Variants in CENPE observed in about 807,000 individuals in gnomAD.
The protein encoded by CENPE is centromere protein E.
CENPE carries 145 observed loss-of-function variants against 336.1 expected under a neutral mutation model. The observed-to-expected ratio is 0.43, with a 90% CI of 0.38 to 0.50. CENPE has a LOEUF of 0.50. Among genes scored for constraint, CENPE ranks in the 20% least tolerant of loss-of-function variants. The pLI, the probability that CENPE is intolerant of heterozygous loss-of-function variation, is 0.00. For synonymous variants in CENPE, 1,013 were observed against 984.8 expected (o/e 1.03, Z -0.54); for missense variants, 2,719 against 3,023.3 (o/e 0.90, Z 2.36).
intron 35 of CENPE, 37 bp from the exon 36 acceptor site, chr4:103,141,141 T>C: frequency 8.3e-7 from 1 of 1,212,112 alleles, no homozygotes; most frequent in Non-Finnish European, 1.2e-6. Flanking sequence ...TAGGTGGCTT[T>C]TTAGGGACAG....
Position 103,182,662 on chromosome 4 carries a change from C to T in CENPE, c.963+100G>A, listed in dbSNP as rs555968885. ...TAGACAACATATCGATTATAACAGG[C>T]GAGTTAATTAAAAAAAACTATGCTT... On this transcript the variant is annotated intron_variant, in intron 11 of 48. Coordinates refer to ENST00000265148, the MANE Select transcript of CENPE (RefSeq NM_001813.3). The T allele has an allele frequency of 7.7e-5, 73 of 945,428 alleles. No individual in the cohort carries two copies. The East Asian group carries it at 1.2e-3, about 15-fold the overall frequency. 58.6% of individuals were successfully genotyped at this position (945,428 alleles called of 1,614,324 possible). A position where few individuals can be genotyped will look rare whatever the true frequency, so the allele number is the denominator to read the frequency against.
rs551913129 is a variant in CENPE, at chr4:103,114,479, T to G, written c.7516A>C (p.Ser2506Arg). Residue 2506 changes from serine (S) to arginine (R), a missense_variant, in exon 46 of 49, where the codon AGT (serine) becomes CGT (arginine). Transcript: ENST00000265148. The stretch of plus-strand genomic sequence containing the variant: ...CCTGAGGTATCTTGGGCCTGTTGAC[T>G]TCTTCTGAGATTTTCTCTCAATAGC... ...IRLLRENLRR[S>R]QQAQDTSVIS... 1.6e-5 allele frequency: 26 copies of G among 1,610,910 alleles called. No individual in the cohort carries two copies. The South Asian group carries it at 2.3e-4, about 14-fold the overall frequency.
intron 24 of CENPE, among the ~76,000 whole-genome samples, chr4:103,154,594 T>C (rs754436212): frequency 3.3e-5 from 5 of 152,176 alleles, no homozygotes; most frequent in Non-Finnish European, 7.4e-5. Context: ...TTAGATATTA[T>C]AATTCAGAAT....
At chr4:103,179,875 C>T (rs1037316493) in intron 13 of CENPE, among the ~76,000 whole-genome samples, 2 of 152,172 alleles carry the variant, frequency 1.3e-5, no homozygotes, top group Non-Finnish European at 2.9e-5. Flanking sequence ...CAAAAAATCA[C>T]ACCAACAAAG....
At chr4:103,129,520 C>T (rs573071443) in intron 42 of CENPE, among the ~76,000 whole-genome samples, 39 of 151,986 alleles carry the variant, frequency 2.6e-4, no homozygotes, top group African/African-American at 7.2e-4. Flanking sequence ...GGGTGGATCA[C>T]GAGGTCAGGA....
Position 103,176,834 on chromosome 4 carries a change from CAT to C in CENPE, c.1390+63_1390+64del, listed in dbSNP as rs1755910902. On this transcript the variant is annotated intron_variant, in intron 14 of 48. Transcript: ENST00000265148. ...TTTATCACATTAACTGAGCTATAAA[CAT>C]AGTTTCTCTTTATAAGGATGCTTTT... 3.3e-5 allele frequency: 41 copies of C among 1,234,366 alleles called. No individual in the cohort carries two copies. The South Asian group carries it at 5.7e-4, about 17-fold the overall frequency. 76.5% of individuals were successfully genotyped at this position (1,234,366 alleles called of 1,614,324 possible).
Position 103,147,443 on chromosome 4 carries a change from C to T in CENPE, c.4047G>A (p.Lys1349=), listed in dbSNP as rs1753148847. The change falls in exon 29 of 49, where the codon AAG becomes AAA. Residue 1349 remains lysine, a synonymous_variant. Coordinates refer to ENST00000265148, the MANE Select transcript of CENPE (RefSeq NM_001813.3). ...TTATCGTTTTAAGGTTGTCTCTTTC[C>T]TTGGTTAGAGATTTTATCTCTTCCT... ...ESQEEIKSLT[K]ERDNLKTIKE... is the part of the protein sequence containing the mutation. 1 of 1,613,956 alleles carries T rather than the reference C, an allele frequency of 6.2e-7. No individual in the cohort carries two copies. Among genetic ancestry groups the T allele is most frequent in the East Asian group, 2.2e-5 (1 of 44,848 alleles).
chr4:103,119,767 A>G (rs1310885652), intron 44 of CENPE, among the ~76,000 whole-genome samples: 1 of 152,188 alleles, frequency 6.6e-6, no homozygotes, highest in African/African-American at 2.4e-5. Flanking sequence ...GGTCAGATTC[A>G]GCCCATGGGA....
intron 8 of CENPE, among the ~76,000 whole-genome samples, chr4:103,188,107 T>C (rs574116782): frequency 0.011 from 1,656 of 152,200 alleles, 23 homozygotes; most frequent in African/African-American, 0.034. Context: ...ATCCTAAATA[T>C]ATATGCACCC....
At position 103,163,156 on chromosome 4, in the gene CENPE, A is replaced by G. The variant is rs748629717; in HGVS notation, c.1823T>C (p.Met608Thr). ...IDSQKLENIK[M>T]DLSYSLESIE... The stretch of plus-strand genomic sequence containing the variant: ...TTTTACCAATGAGTATGACAAGTCC[A>G]TTTTTATATTTTCTAGCTTTTGAGA... Residue 608 changes from methionine (M) to threonine (T), a missense_variant, in exon 18 of 49, where the codon ATG becomes ACG. By Grantham distance (81) the Met-to-Thr change is moderately conservative. This residue lies in a region of CENPE where 2,437 missense variants were observed against 2,513.3 expected (regional missense o/e 0.97). Transcript: ENST00000265148. 3.7e-6 allele frequency: 6 copies of G among 1,609,128 alleles called. No homozygotes were observed. The African/African-American group carries it at 4.0e-5, about 11-fold the overall frequency.
At chr4:103,159,458 A>G in intron 21 of CENPE, 134 bp from the exon 22 acceptor site, 2 of 513,500 alleles carry the variant, frequency 3.9e-6, no homozygotes, top group Non-Finnish European at 6.7e-6. Context: ...GAAAGGCAAT[A>G]TAGTAGTACT....
chr4:103,158,583 T>C, intron 23 of CENPE, 31 bp downstream of exon 23: 1 of 1,559,910 alleles, frequency 6.4e-7, no homozygotes, highest in Non-Finnish European at 8.6e-7. Context: ...GAGTCTCCAA[T>C]TTTTCAAAGT....
intron 26 of CENPE, among the ~76,000 whole-genome samples, chr4:103,150,894 T>C (rs1458282729): frequency 6.6e-6 from 1 of 152,234 alleles, no homozygotes; most frequent in African/African-American, 2.4e-5. Flanking sequence ...AATCTTTGTT[T>C]TGTTGACTAA....
At chr4:103,191,723 A>G (rs1757366932) in intron 8 of CENPE, among the ~76,000 whole-genome samples, 1 of 152,258 alleles carries the variant, frequency 6.6e-6, no homozygotes, top group South Asian at 2.1e-4. Flanking sequence ...GCAGTATACC[A>G]ACATGGCACA....
chr4:103,195,210 T>A lies in CENPE; in HGVS notation c.381A>T (p.Leu127Phe). 6.3e-7 allele frequency: 1 copy of A among 1,576,236 alleles called. No homozygotes were observed. The highest frequency in any genetic ancestry group is 8.6e-7 in the Non-Finnish European group (1 of 1,167,184). ...TGTATATTTCCATGTAAGATACACG[T>A]AAGAGAAATTCCCTATCAGGAAACT... ...IKKFPDREFL[L>F]RVSYMEIYNE... The change falls in exon 5 of 49, where the codon TTA becomes TTT. Residue 127 changes from leucine (L) to phenylalanine (F), a missense_variant. Transcript: ENST00000265148.
intron 9 of CENPE, 22 bp downstream of exon 9, chr4:103,185,788 A>T (rs376281018): frequency 3.8e-6 from 6 of 1,582,036 alleles, no homozygotes; most frequent in Non-Finnish European, 5.2e-6. Context: ...TAAGACTAAC[A>T]TATTTCATGA....
chr4:103,145,392 C>T, intron 31 of CENPE, 58 bp from the exon 32 acceptor site: 4 of 1,332,916 alleles, frequency 3.0e-6, no homozygotes, highest in East Asian at 2.3e-5. Context: ...CACACACACA[C>T]ACATACACAA....
In CENPE at chr4:103,122,892, T is replaced by C; in HGVS notation, c.7122A>G (p.Arg2374=). ...ATACCTCTGTGGTTAACTGTGTAGC[T>C]CTTGATGTAACATGAGGATTCTTAT... ...QDNKNPHVTS[R]ATQLTTEKIR... The change falls in exon 43 of 49, where the codon AGA becomes AGG. Residue 2374 remains arginine (R), a synonymous_variant. Transcript: ENST00000265148. 1 of 1,613,030 alleles carries C rather than the reference T, an allele frequency of 6.2e-7. No homozygotes were observed. Among genetic ancestry groups the C allele is most frequent in the Non-Finnish European group, 8.5e-7 (1 of 1,179,050 alleles).
chr4:103,139,557 T>C (rs535824140), intron 38 of CENPE, among the ~76,000 whole-genome samples: 42 of 152,144 alleles, frequency 2.8e-4, no homozygotes, highest in Non-Finnish European at 5.6e-4. Context: ...TTAAGGGAAA[T>C]AGACTGCTTT....
Sources: gnomAD v4.1 joint callset for allele counts (sites outside exome capture counted in the v4.1 genomes callset) on GRCh38, gnomAD v4.1.1 for gene constraint, gnomAD v4.1.1 regional missense constraint, MANE v1.5 for transcripts, NCBI Gene and HGNC (gene_info 2026-07-23, HGNC 2026-07-21) for gene names.